Variants in MALRD1 observed in about 807,000 individuals in gnomAD.
MALRD1 encodes MAM and LDL-receptor class A domain-containing protein 1.
MALRD1 carries 247 observed loss-of-function variants against 242.1 expected under a neutral mutation model. The ratio of observed to expected loss-of-function variants is 1.02; its 90% CI spans 0.92 to 1.13. The LOEUF (loss-of-function observed/expected upper bound fraction) is 1.13. Among genes scored for constraint, MALRD1 ranks in the 50% most tolerant of loss-of-function variants. The pLI, the probability that MALRD1 is intolerant of heterozygous loss-of-function variation, is 0.00. For synonymous variants in MALRD1, 995 were observed against 866.6 expected (o/e 1.15, Z -2.60); for missense variants, 2,989 against 2,533.1 (o/e 1.18, Z -3.86).
At chr10:19,118,317 C>A (rs778632761) in intron 5 of MALRD1, among the ~76,000 whole-genome samples, 1 of 152,172 alleles carries the variant, frequency 6.6e-6, no homozygotes, top group South Asian at 2.1e-4. Flanking sequence ...ATCCTGAGAA[C>A]AGGTGCCCAA....
intron 14 of MALRD1, among the ~76,000 whole-genome samples, chr10:19,185,826 TG>T (rs764705169): frequency 0.014 from 2,159 of 151,946 alleles, 22 homozygotes; most frequent in Non-Finnish European, 0.021. Flanking sequence ...TGTGTGTGTG[TG>T]TGTGTGTGTG....
In MALRD1 at chr10:19,395,102, T is replaced by G. The variant is rs149554724; in HGVS notation, c.4845+5493T>G. 2.4e-3 allele frequency among the ~76,000 whole-genome samples: 373 copies of G among 152,298 alleles called. 3 individuals are homozygous for G. The highest frequency in any genetic ancestry group is 8.7e-3 in the African/African-American group (363 of 41,572). Reference sequence around the variant, plus strand: ...GTTTCAGTATCTTAGCAGTGTAATCTGCATAGTTTTGTTATATTGTACTAG... The same window carrying G: ...GTTTCAGTATCTTAGCAGTGTAATCGGCATAGTTTTGTTATATTGTACTAG... On this transcript the variant is annotated intron_variant, in intron 28 of 39. Coordinates refer to ENST00000454679, the MANE Select transcript of MALRD1 (RefSeq NM_001142308.3).
At chr10:19,601,536 G>A (rs1838341396) in intron 34 of MALRD1, among the ~76,000 whole-genome samples, 2 of 151,856 alleles carry the variant, frequency 1.3e-5, no homozygotes, top group Non-Finnish European at 2.9e-5. Flanking sequence ...TAATATTTTT[G>A]TTTACAAATT....
intron 18 of MALRD1, among the ~76,000 whole-genome samples, chr10:19,256,610 T>C (rs1839526610): frequency 2.0e-5 from 3 of 152,184 alleles, no homozygotes; most frequent in South Asian, 4.1e-4. Context: ...TTTCCCAAAT[T>C]AATTAATTTT....
chr10:19,300,305 G>T (rs1019816695), intron 21 of MALRD1, among the ~76,000 whole-genome samples: 2 of 151,918 alleles, frequency 1.3e-5, no homozygotes, highest in African/African-American at 4.8e-5. Flanking sequence ...AGCAATTATA[G>T]ATTTAATGCT....
rs1379218811 is a variant in MALRD1, at chr10:19,177,652, T to A, written c.1951+2324T>A. ...AAAGCATGTGCTTTATTTTATTTTT[T>A]CGTTTTTATTTGTTTTTCAGCCCCT... On this transcript the variant is annotated intron_variant, in intron 14 of 39. Coordinates refer to ENST00000454679, the MANE Select transcript of MALRD1 (RefSeq NM_001142308.3). Among the ~76,000 whole-genome samples the A allele has an allele frequency of 2.0e-5, 3 of 152,224 alleles. 1 individual carries two copies.
chr10:19,143,593 C>A (rs1057455093), intron 10 of MALRD1, among the ~76,000 whole-genome samples: 2 of 152,062 alleles, frequency 1.3e-5, no homozygotes, highest in Admixed American at 1.3e-4. Context: ...TTGAGGCAAC[C>A]CTGGGCCAGG....
chr10:19,590,411 A>G (rs941000786), intron 33 of MALRD1, among the ~76,000 whole-genome samples: 1 of 148,434 alleles, frequency 6.7e-6, no homozygotes, highest in Non-Finnish European at 1.5e-5. Context: ...TATAACATAT[A>G]TAGGTGGTTA....
chr10:19,387,822 A>G, intron 27 of MALRD1, 49 bp downstream of exon 27: 1 of 1,517,676 alleles, frequency 6.6e-7, no homozygotes, highest in Non-Finnish European at 8.8e-7. Context: ...TTCACAATGT[A>G]CATCAAAATG....
intron 32 of MALRD1, 88 bp from the exon 33 acceptor site, chr10:19,567,414 A>C: frequency 1.4e-5 from 16 of 1,153,200 alleles, no homozygotes; most frequent in Non-Finnish European, 2.0e-5. Context: ...TTACATAGCC[A>C]GAGATTTCAT....
chr10:19,635,034 C>T (rs550187995), intron 36 of MALRD1, among the ~76,000 whole-genome samples: 1 of 152,308 alleles, frequency 6.6e-6, no homozygotes, highest in South Asian at 2.1e-4. Context: ...TGGCAAGGAT[C>T]ACAGACTGCC....
At chr10:19,647,953 G>T (rs183160446) in intron 36 of MALRD1, among the ~76,000 whole-genome samples, 4 of 152,252 alleles carry the variant, frequency 2.6e-5, no homozygotes, top group Non-Finnish European at 2.9e-5. Flanking sequence ...CAGACTCTCT[G>T]CCTGGGGATA....
intron 21 of MALRD1, among the ~76,000 whole-genome samples, chr10:19,306,518 A>G (rs1246732802): frequency 6.8e-6 from 1 of 146,660 alleles, no homozygotes; most frequent in Non-Finnish European, 1.5e-5. Flanking sequence ...TATAGTATAT[A>G]TAGTGTCGTA....
chr10:19,063,899 T>A (rs944187543), intron 1 of MALRD1, among the ~76,000 whole-genome samples: 1 of 152,076 alleles, frequency 6.6e-6, no homozygotes, highest in African/African-American at 2.4e-5. Context: ...CATATGTAAC[T>A]AACCTGCACA....
intron 29 of MALRD1, among the ~76,000 whole-genome samples, chr10:19,456,896 G>A (rs3864831): frequency 0.073 from 11,093 of 151,452 alleles, 1,103 homozygotes; most frequent in African/African-American, 0.23. Flanking sequence ...CCTCAGCCTC[G>A]TGAGTAGCCG....
At chr10:19,324,313 T>C (rs549844812) in intron 22 of MALRD1, among the ~76,000 whole-genome samples, 15 of 152,332 alleles carry the variant, frequency 9.8e-5, no homozygotes, top group African/African-American at 3.6e-4. Context: ...TAATTATGAA[T>C]GTTGTCTCTA....
intron 18 of MALRD1, among the ~76,000 whole-genome samples, chr10:19,225,091 G>C (rs1837736257): frequency 6.6e-6 from 1 of 152,142 alleles, no homozygotes; most frequent in Non-Finnish European, 1.5e-5. Context: ...TTATTAAATA[G>C]TAAATCTTTC....
rs573117211 is a variant in MALRD1 at position 19,143,210 on chromosome 10, A to G, written c.1412-2988A>G. Among the ~76,000 whole-genome samples the G allele has an allele frequency of 2.0e-5, 3 of 152,248 alleles. No homozygotes were observed. In the South Asian group the frequency reaches 6.2e-4, roughly 31 times the overall value. On this transcript the variant is annotated intron_variant, in intron 10 of 39. Coordinates refer to ENST00000454679, the MANE Select transcript of MALRD1 (RefSeq NM_001142308.3). ...GGTTTGAACTTTTGTCCTAAAGCCA[A>G]ATTTCAACATTTATACAATCAAAAG... is the stretch of plus-strand genomic sequence containing the variant.
chr10:19,443,885 T>G (rs1288798085), intron 28 of MALRD1, among the ~76,000 whole-genome samples: 3 of 152,214 alleles, frequency 2.0e-5, no homozygotes, highest in Non-Finnish European at 4.4e-5. Context: ...TTGTTAACTT[T>G]CTGTCTCGTG....
Sources: gnomAD v4.1 joint callset for allele counts (sites outside exome capture counted in the v4.1 genomes callset) on GRCh38, gnomAD v4.1.1 for gene constraint, MANE v1.5 for transcripts, NCBI Gene and HGNC (gene_info 2026-07-23, HGNC 2026-07-21) for gene names.